ZNF451: variants seen among roughly 807,000 people sequenced by gnomAD.
ZNF451 encodes zinc finger protein 451.
Under a neutral mutation model 107.1 loss-of-function variants are expected in ZNF451, and 80 were observed. The ratio of observed to expected loss-of-function variants is 0.75; its 90% CI spans 0.62 to 0.90. ZNF451 has a LOEUF of 0.90. Among genes scored for constraint, ZNF451 ranks in the 40% least tolerant of loss-of-function variants. ZNF451 has a pLI of 0.00. For synonymous variants in ZNF451, 362 were observed against 406.5 expected, an observed-to-expected ratio of 0.89 and a Z score of 1.32; for missense variants, 1,107 against 1,236.2, an observed-to-expected ratio of 0.90 and a Z score of 1.57.
chr6:57,140,016 G>A (rs746611193), intron 7 of ZNF451, among the ~76,000 whole-genome samples: 7 of 151,880 alleles, frequency 4.6e-5, no homozygotes, highest in Middle Eastern at 3.2e-3. Flanking sequence ...GAGTGAGCTC[G>A]TGTCTCAAAA....
At chr6:57,138,896 C>T (rs1831609388) in intron 7 of ZNF451, among the ~76,000 whole-genome samples, 1 of 149,724 alleles carries the variant, frequency 6.7e-6, no homozygotes, top group African/African-American at 2.5e-5. Flanking sequence ...TGAGCCACTG[C>T]TCCTGGCCAA....
intron 3 of ZNF451, chr6:57,104,685 A>G: frequency 1.0e-6 from 1 of 985,034 alleles, no homozygotes; most frequent in Non-Finnish European, 1.2e-6. Flanking sequence ...CTATATTTGC[A>G]TTGTTGCGCA....
chr6:57,096,749 G>A (rs902036865), intron 2 of ZNF451, among the ~76,000 whole-genome samples: 13 of 142,706 alleles, frequency 9.1e-5, no homozygotes, highest in Admixed American at 1.4e-4. Flanking sequence ...TTCTTGGATC[G>A]AACATACAAT....
At chr6:57,095,874 A>G (rs1014198855) in intron 2 of ZNF451, among the ~76,000 whole-genome samples, 2 of 151,340 alleles carry the variant, frequency 1.3e-5, no homozygotes, top group African/African-American at 2.4e-5. Flanking sequence ...CCCAGGCTGG[A>G]GTGCACTGGC....
chr6:57,107,433 A>G (rs1424641800), intron 3 of ZNF451: 1 of 985,186 alleles, frequency 1.0e-6, no homozygotes, highest in Admixed American at 6.1e-5. Flanking sequence ...AATATCTCAA[A>G]CTACTTTGAT....
intron 3 of ZNF451, chr6:57,108,572 T>C (rs1447291971): frequency 2.0e-6 from 2 of 985,256 alleles, no homozygotes; most frequent in Non-Finnish European, 2.4e-6. Context: ...ATGCAGCCCG[T>C]TCCTTTTTGC....
chr6:57,130,978 T>C (rs564603910), intron 5 of ZNF451, among the ~76,000 whole-genome samples: 2 of 152,270 alleles, frequency 1.3e-5, no homozygotes, highest in East Asian at 3.9e-4. Context: ...ATATTTGGTA[T>C]GGTGCTATTC....
At chr6:57,134,650 GTGTA>G (rs1831343952) in intron 6 of ZNF451, 90 bp from the exon 7 acceptor site, 1 of 1,092,258 alleles carries the variant, frequency 9.2e-7, no homozygotes, top group Non-Finnish European at 1.3e-6. Context: ...CTGAATGTGT[GTGTA>G]TGTGTTTAGC....
intron 11 of ZNF451, 79 bp downstream of exon 11, chr6:57,150,941 AC>A: frequency 6.7e-7 from 1 of 1,495,788 alleles, no homozygotes; most frequent in South Asian, 1.2e-5. Context: ...CTCCTCTTAA[AC>A]CTTCCTGGAT....
intron 14 of ZNF451, among the ~76,000 whole-genome samples, chr6:57,166,248 G>A (rs1305795522): frequency 2.0e-5 from 3 of 152,114 alleles, no homozygotes; most frequent in Non-Finnish European, 4.4e-5. Flanking sequence ...GGCTGGTCTC[G>A]AACTACTGAC....
At chr6:57,133,253 T>G (rs1235920171) in intron 6 of ZNF451, 61 bp downstream of exon 6, 1 of 1,512,080 alleles carries the variant, frequency 6.6e-7, no homozygotes, top group African/African-American at 1.4e-5. Flanking sequence ...AGTGATTTCA[T>G]AAAATGAAAG....
At chr6:57,105,109 C>T (rs1829786413) in intron 3 of ZNF451, 1 of 985,256 alleles carries the variant, frequency 1.0e-6, no homozygotes, top group Non-Finnish European at 1.2e-6. Flanking sequence ...AACTCTTAGT[C>T]AGATAATAAA....
In ZNF451 at chr6:57,133,109, G is replaced by A. The variant is rs750537932; in HGVS notation, c.492G>A (p.Val164=). The A allele has an allele frequency of 6.2e-7, 1 of 1,614,174 alleles. No homozygotes were observed. The highest frequency in any genetic ancestry group is 8.5e-7 in the Non-Finnish European group (1 of 1,180,014). Residue 164 remains valine (V), a synonymous_variant, in exon 6 of 15, where the codon GTG becomes GTA. Transcript: ENST00000370706. ...TCCGAAGAGGAGGCCACACGTGGGT[G>A]TCTGGGAAACCAATTTTATGTCCTA... is the stretch of plus-strand genomic sequence containing the variant. ...SSFRRGGHTW[V]SGKPILCPIM...
At chr6:57,119,281 CT>C (rs1223759966) in intron 3 of ZNF451, among the ~76,000 whole-genome samples, 1 of 152,098 alleles carries the variant, frequency 6.6e-6, no homozygotes, top group African/African-American at 2.4e-5. Context: ...AATCCCAGCA[CT>C]TTGGGAGGCC....
intron 3 of ZNF451, among the ~76,000 whole-genome samples, chr6:57,111,394 T>G (rs1830107134): frequency 6.6e-6 from 1 of 151,808 alleles, no homozygotes; most frequent in Admixed American, 6.6e-5. Context: ...TGTTTTTTGT[T>G]TCTTGAGACG....
chr6:57,167,096 A>G (rs1298958282), intron 14 of ZNF451, among the ~76,000 whole-genome samples: 1 of 152,216 alleles, frequency 6.6e-6, no homozygotes, highest in Non-Finnish European at 1.5e-5. Flanking sequence ...TGCATTTAGT[A>G]TAAACCATAC....
At chr6:57,125,907 T>A (rs954600163) in intron 4 of ZNF451, among the ~76,000 whole-genome samples, 2 of 152,118 alleles carry the variant, frequency 1.3e-5, no homozygotes, top group African/African-American at 4.8e-5. Flanking sequence ...ACTATTCAAT[T>A]TTAAGGAAGT....
Position 57,103,611 on chromosome 6 carries a change from C to T in ZNF451, c.186+4470C>T, listed in dbSNP as rs908891748. On this transcript the variant is annotated intron_variant, in intron 3 of 14. Coordinates refer to ENST00000370706, the MANE Select transcript of ZNF451 (RefSeq NM_001031623.3). ...ATGTCAAATTTGAGGGGTCTGAATA[C>T]ATCACCTAGTATTATTTGCTTGGCA... is the stretch of plus-strand genomic sequence containing the variant. The T allele has an allele frequency of 8.1e-6, 8 of 985,284 alleles. No homozygotes were observed. The African/African-American group carries it at 1.0e-4, about 13-fold the overall frequency. The allele number at this position is 985,284 out of a possible 1,614,324, so 61.0% of individuals were successfully genotyped here.
At chr6:57,127,605 T>G (rs1294172656) in intron 4 of ZNF451, among the ~76,000 whole-genome samples, 1 of 152,184 alleles carries the variant, frequency 6.6e-6, no homozygotes, top group East Asian at 1.9e-4. Flanking sequence ...GCAGTATGAT[T>G]ATACTCGTTA....
Sources: gnomAD v4.1 joint callset for allele counts (sites outside exome capture counted in the v4.1 genomes callset) on GRCh38, gnomAD v4.1.1 for gene constraint, MANE v1.5 for transcripts, NCBI Gene and HGNC (gene_info 2026-07-23, HGNC 2026-07-21) for gene names.